Variants in ATP10B observed in about 807,000 individuals in gnomAD.
ATP10B encodes the protein phospholipid-transporting ATPase VB.
A neutral mutation model predicts 141.2 loss-of-function variants in ATP10B; 122 were observed. The ratio of observed to expected loss-of-function variants is 0.86; its 90% CI spans 0.75 to 1.00. ATP10B has a LOEUF of 1.00. Among genes scored for constraint, ATP10B ranks in the 50% least tolerant of loss-of-function variants. The probability of loss-of-function intolerance (pLI) is 0.00; values close to 1 mark genes in which losing one functional copy is unlikely to be tolerated. For missense variants in ATP10B, 1,876 were observed against 1,825.3 expected (o/e 1.03, Z -0.51); for synonymous variants, 685 against 692.0 (o/e 0.99, Z 0.16).
the ATP10B span, among the ~76,000 whole-genome samples, chr5:160,906,886 C>G: frequency 7.2e-5 from 11 of 152,316 alleles, no homozygotes; most frequent in South Asian, 1.0e-3. Context: ...GTCAATGTAT[C>G]AACTGGCTGC....
At chr5:160,719,865 A>G (rs998924134) in intron 2 of ATP10B, among the ~76,000 whole-genome samples, 1 of 152,228 alleles carries the variant, frequency 6.6e-6, no homozygotes, top group African/African-American at 2.4e-5. Context: ...AGCTCAGATT[A>G]TAAAAGACCC....
chr5:160,875,169 C>G, the ATP10B span, among the ~76,000 whole-genome samples: 137 of 123,202 alleles, frequency 1.1e-3, 1 homozygote, highest in Middle Eastern at 3.6e-3. Context: ...AAGCCCATCA[C>G]ACTAACAGCG....
chr5:160,652,953 TTATATATACATGTATATATAATA>T (rs1433412418), intron 7 of ATP10B, among the ~76,000 whole-genome samples: 1 of 86,616 alleles, frequency 1.2e-5, no homozygotes, highest in Non-Finnish European at 2.0e-5. Flanking sequence ...ATATAATATA[TTATATATACATGTATATATAATA>T]TATACATACA....
At chr5:160,777,562 T>C (rs374153095) in intron 2 of ATP10B, among the ~76,000 whole-genome samples, 53 of 152,328 alleles carry the variant, frequency 3.5e-4, no homozygotes, top group African/African-American at 1.2e-3. Context: ...ATACCAATTA[T>C]TGAAGCAAAG....
intron 2 of ATP10B, among the ~76,000 whole-genome samples, chr5:160,782,858 A>G (rs1770819490): frequency 6.6e-6 from 1 of 152,088 alleles, no homozygotes; most frequent in Non-Finnish European, 1.5e-5. Context: ...CGGGTTTGAG[A>G]ATAGCTTGTA....
chr5:160,601,078 T>G lies in ATP10B; in HGVS notation c.3363+1499A>C, dbSNP rs75628801. Among the ~76,000 whole-genome samples the G allele has an allele frequency of 2.0e-5, 3 of 152,280 alleles. No homozygotes were observed. In the East Asian group the frequency reaches 5.8e-4, roughly 29 times the overall value. ...TGCCAAAAAAATTAAACAGGAGCAT[T>G]TTGGATTCTAAATAAACAGTCTTTC... is the stretch of plus-strand genomic sequence containing the variant. On this transcript the variant is annotated intron_variant, in intron 21 of 25. Transcript: ENST00000327245.
the ATP10B span, among the ~76,000 whole-genome samples, chr5:160,914,388 C>T: frequency 1.3e-5 from 2 of 152,158 alleles, no homozygotes. Flanking sequence ...CCCCCCGATT[C>T]CCTGTAGATA....
intron 3 of ATP10B, among the ~76,000 whole-genome samples, chr5:160,695,726 GA>G (rs909438628): frequency 1.4e-4 from 22 of 152,074 alleles, no homozygotes; most frequent in African/African-American, 4.8e-4. Context: ...GACTATGGGA[GA>G]AAAATCTATA....
At chr5:160,691,556 T>C (rs1764078207) in intron 3 of ATP10B, among the ~76,000 whole-genome samples, 1 of 152,192 alleles carries the variant, frequency 6.6e-6, no homozygotes, top group Non-Finnish European at 1.5e-5. Context: ...CATAGGATAA[T>C]TTTCTTTTGA....
intron 5 of ATP10B, 40 bp downstream of exon 5, chr5:160,687,760 T>C: frequency 6.3e-7 from 1 of 1,583,502 alleles, no homozygotes; most frequent in Non-Finnish European, 8.6e-7. Context: ...ATGAGACTCT[T>C]TCTCTAAAAA....
intron 7 of ATP10B, among the ~76,000 whole-genome samples, chr5:160,652,948 A>C (rs1234478080): frequency 1.1e-5 from 1 of 89,532 alleles, no homozygotes; most frequent in Non-Finnish European, 1.9e-5. Flanking sequence ...TGTATATATA[A>C]TATATTATAT....
intron 2 of ATP10B, 147 bp from the exon 3 acceptor site, chr5:160,717,181 CAT>C (rs776966613): frequency 4.2e-4 from 214 of 513,406 alleles, no homozygotes; most frequent in Middle Eastern, 1.0e-3. Flanking sequence ...AGTAGAAAAA[CAT>C]GTGTGGAAAT....
At chr5:160,848,307 G>A (rs1376067234) in intron 1 of ATP10B, among the ~76,000 whole-genome samples, 2 of 152,134 alleles carry the variant, frequency 1.3e-5, no homozygotes, top group African/African-American at 4.8e-5. Context: ...GTTACAGGAG[G>A]CATATTCCAT....
intron 2 of ATP10B, among the ~76,000 whole-genome samples, chr5:160,721,620 C>T (rs916562366): frequency 5.3e-5 from 8 of 152,186 alleles, no homozygotes; most frequent in Admixed American, 1.3e-4. Flanking sequence ...GGCTACTGTG[C>T]TGGTCAGCTA....
chr5:160,728,239 G>T (rs1766499079), intron 2 of ATP10B, among the ~76,000 whole-genome samples: 1 of 151,950 alleles, frequency 6.6e-6, no homozygotes, highest in Non-Finnish European at 1.5e-5. Flanking sequence ...CCCTCTTTAA[G>T]GAAATGTGTA....
intron 1 of ATP10B, among the ~76,000 whole-genome samples, chr5:160,827,630 T>G (rs1200387231): frequency 2.0e-5 from 3 of 152,170 alleles, no homozygotes; most frequent in Non-Finnish European, 4.4e-5. Context: ...TTTTGGGGAC[T>G]TAGCCAAAAA....
At chr5:160,888,281 C>A in the ATP10B span, among the ~76,000 whole-genome samples, 2 of 152,316 alleles carry the variant, frequency 1.3e-5, no homozygotes, top group Non-Finnish European at 1.5e-5. Context: ...AGAGTATCAG[C>A]ACCTCTGACA....
intron 2 of ATP10B, among the ~76,000 whole-genome samples, chr5:160,774,782 C>T (rs1770165812): frequency 6.6e-6 from 1 of 152,172 alleles, no homozygotes; most frequent in Admixed American, 6.5e-5. Context: ...CTGCGTCTGG[C>T]TTTGTCTGTT....
intron 1 of ATP10B, among the ~76,000 whole-genome samples, chr5:160,828,698 C>A (rs990196650): frequency 6.6e-6 from 1 of 151,894 alleles, no homozygotes; most frequent in African/African-American, 2.4e-5. Flanking sequence ...CCAGCCATCC[C>A]ATTACTGGGT....
Sources: gnomAD v4.1 joint callset for allele counts (sites outside exome capture counted in the v4.1 genomes callset) on GRCh38, gnomAD v4.1.1 for gene constraint, MANE v1.5 for transcripts, NCBI Gene and HGNC (gene_info 2026-07-23, HGNC 2026-07-21) for gene names.